The following PTPRM variants were observed in gnomAD, a reference collection of about 807,000 sequenced individuals.
PTPRM encodes the protein protein tyrosine phosphatase receptor type M.
In PTPRM, 47 loss-of-function variants were observed where a neutral mutation model predicts 186.7. The observed-to-expected ratio is 0.25, with a 90% confidence interval of 0.20 to 0.32. The LOEUF (loss-of-function observed/expected upper bound fraction) is 0.32, where lower values mean the gene tolerates loss of function less well. Ranked by LOEUF, PTPRM falls within the 10% of genes least tolerant of loss-of-function variation. The pLI is 1.00. For missense variants in PTPRM, 1,494 were observed against 1,865.0 expected (o/e 0.80, Z 3.66); for synonymous variants, 668 against 674.9 (o/e 0.99, Z 0.16).
chr18:7,620,721 A>G (rs1325666957), intron 1 of PTPRM, among the ~76,000 whole-genome samples: 5 of 152,186 alleles, frequency 3.3e-5, no homozygotes, highest in Non-Finnish European at 5.9e-5. Flanking sequence ...TCACATGGAC[A>G]TGATATCACT....
intron 22 of PTPRM, among the ~76,000 whole-genome samples, chr18:8,326,730 A>G (rs369402667): frequency 6.6e-6 from 1 of 152,232 alleles, no homozygotes; most frequent in Non-Finnish European, 1.5e-5. Flanking sequence ...TGGTGCTGGG[A>G]TAACTGGCTA....
intron 22 of PTPRM, among the ~76,000 whole-genome samples, chr18:8,326,769 C>G (rs935535100): frequency 1.3e-5 from 2 of 152,090 alleles, no homozygotes; most frequent in African/African-American, 4.8e-5. Flanking sequence ...AAACTGGACC[C>G]CTTCCTTATA....
chr18:8,211,532 T>G (rs1446689666), intron 14 of PTPRM, among the ~76,000 whole-genome samples: 1 of 147,388 alleles, frequency 6.8e-6, no homozygotes, highest in African/African-American at 2.5e-5. Flanking sequence ...GCCTCCCGAG[T>G]AGCTGGGATT....
intron 1 of PTPRM, among the ~76,000 whole-genome samples, chr18:7,660,138 A>C (rs1598319517): frequency 6.6e-6 from 1 of 152,258 alleles, no homozygotes; most frequent in African/African-American, 2.4e-5. Flanking sequence ...GTAGTTCAAG[A>C]CCAGCCTGGC....
intron 1 of PTPRM, among the ~76,000 whole-genome samples, chr18:7,586,631 G>A (rs1189912388): frequency 6.6e-6 from 1 of 152,054 alleles, no homozygotes; most frequent in Non-Finnish European, 1.5e-5. Flanking sequence ...TTAAAAGCCT[G>A]TATATTCAAT....
intron 23 of PTPRM, among the ~76,000 whole-genome samples, chr18:8,353,361 T>C (rs2095546212): frequency 6.6e-6 from 1 of 152,146 alleles, no homozygotes; most frequent in Non-Finnish European, 1.5e-5. Context: ...TAATTGGTAT[T>C]GAAAAGCAAT....
intron 5 of PTPRM, among the ~76,000 whole-genome samples, chr18:7,947,321 G>T (rs1171381548): frequency 6.6e-6 from 1 of 152,080 alleles, no homozygotes; most frequent in East Asian, 1.9e-4. Flanking sequence ...AGGAAGTGAG[G>T]CTCTATGAAG....
intron 2 of PTPRM, among the ~76,000 whole-genome samples, chr18:7,819,050 G>A (rs909138962): frequency 2.0e-5 from 3 of 152,344 alleles, no homozygotes; most frequent in Non-Finnish European, 4.4e-5. Context: ...TTGTCTAGAT[G>A]GTCAGTATGG....
chr18:8,248,026 A>G, intron 16 of PTPRM, 107 bp downstream of exon 16: 1 of 1,356,518 alleles, frequency 7.4e-7, no homozygotes, highest in Non-Finnish European at 1.1e-6. Context: ...TGTGTTTGAG[A>G]TGTTGTAACC....
intron 7 of PTPRM, among the ~76,000 whole-genome samples, chr18:7,992,139 T>TA (rs1459763989): frequency 6.6e-6 from 1 of 152,110 alleles, no homozygotes; most frequent in Non-Finnish European, 1.5e-5. Flanking sequence ...AGGGAGTTAT[T>TA]ATAACCTCAT....
intron 1 of PTPRM, among the ~76,000 whole-genome samples, chr18:7,716,491 T>G (rs2040334573): frequency 6.6e-6 from 1 of 152,092 alleles, no homozygotes; most frequent in Non-Finnish European, 1.5e-5. Flanking sequence ...ACAAATGGGA[T>G]CTAATTAAAC....
intron 23 of PTPRM, among the ~76,000 whole-genome samples, chr18:8,357,425 C>A (rs1399620176): frequency 6.6e-6 from 1 of 152,136 alleles, no homozygotes; most frequent in Non-Finnish European, 1.5e-5. Context: ...TTAAAGCTAT[C>A]CCCCCAATTT....
intron 2 of PTPRM, among the ~76,000 whole-genome samples, chr18:7,817,090 T>C (rs2044874987): frequency 6.6e-6 from 1 of 151,486 alleles, no homozygotes; most frequent in Admixed American, 6.6e-5. Context: ...TTCTCTTGCC[T>C]CAGCCTCCCG....
intron 9 of PTPRM, among the ~76,000 whole-genome samples, chr18:8,082,109 C>G (rs777299087): frequency 6.6e-6 from 1 of 152,040 alleles, no homozygotes; most frequent in Admixed American, 6.6e-5. Context: ...TGCACACACC[C>G]GCTCTCCCCA....
At chr18:7,869,192 C>T (rs1342327192) in intron 2 of PTPRM, among the ~76,000 whole-genome samples, 1 of 152,152 alleles carries the variant, frequency 6.6e-6, no homozygotes. Context: ...AGCCCCCTTT[C>T]CAGGGGAGTG....
intron 21 of PTPRM, among the ~76,000 whole-genome samples, chr18:8,318,077 G>C (rs986682265): frequency 6.6e-6 from 1 of 152,054 alleles, no homozygotes; most frequent in Non-Finnish European, 1.5e-5. Context: ...TCTAACATGT[G>C]CATTTAAGTT....
chr18:8,217,957 T>C (rs919251777), intron 14 of PTPRM, among the ~76,000 whole-genome samples: 1 of 152,200 alleles, frequency 6.6e-6, no homozygotes. Flanking sequence ...GCTTGGCACA[T>C]TTAGAAATAT....
chr18:8,352,399 A>G (rs2095538933), intron 23 of PTPRM, among the ~76,000 whole-genome samples: 1 of 152,200 alleles, frequency 6.6e-6, no homozygotes, highest in Admixed American at 6.5e-5. Flanking sequence ...CAAACAGTGA[A>G]CATAGTCCCC....
chr18:8,063,655 G>A (rs945557491), intron 7 of PTPRM, among the ~76,000 whole-genome samples: 9 of 151,784 alleles, frequency 5.9e-5, no homozygotes, highest in African/African-American at 2.4e-5. Context: ...ATGGATTTAG[G>A]GGTACAAGTA....
Sources: allele counts gnomAD v4.1 joint callset (sites outside exome capture counted in the v4.1 genomes callset), GRCh38; gene constraint gnomAD v4.1.1; transcripts MANE v1.5; gene names NCBI Gene and HGNC (gene_info 2026-07-23, HGNC 2026-07-21).